Variants in ATP8B1 observed in about 807,000 individuals in gnomAD.
ATP8B1 encodes the protein phospholipid-transporting ATPase IC.
ATP8B1 carries 80 observed loss-of-function variants against 149.9 expected under a neutral mutation model. The observed-to-expected ratio is 0.53, with a 90% CI of 0.45 to 0.64. The LOEUF (loss-of-function observed/expected upper bound fraction) is 0.64, where lower values mean the gene tolerates loss of function less well. Ranked by LOEUF, ATP8B1 falls within the 30% of genes least tolerant of loss-of-function variation. ATP8B1 has a pLI of 0.00. For missense variants in ATP8B1, 1,247 were observed against 1,552.6 expected, an observed-to-expected ratio of 0.80 and a Z score of 3.31; for synonymous variants, 536 against 562.8, an observed-to-expected ratio of 0.95 and a Z score of 0.67.
At chr18:57,753,497 T>G (rs537366184) in intron 1 of ATP8B1, among the ~76,000 whole-genome samples, 62 of 152,254 alleles carry the variant, frequency 4.1e-4, no homozygotes, top group Non-Finnish European at 7.5e-4. Context: ...AGGTCACCAC[T>G]GTGTAAAGCA....
intron 1 of ATP8B1, among the ~76,000 whole-genome samples, chr18:57,756,170 T>G: frequency 6.9e-6 from 1 of 145,026 alleles, no homozygotes; most frequent in Non-Finnish European, 1.5e-5. Flanking sequence ...GCCATGTCCT[T>G]TAATCTGAAA....
chr18:57,738,888 A>G (rs2079884726), intron 1 of ATP8B1, among the ~76,000 whole-genome samples: 1 of 152,124 alleles, frequency 6.6e-6, no homozygotes, highest in Non-Finnish European at 1.5e-5. Flanking sequence ...CATATGTTGA[A>G]GCCATAACAC....
intron 1 of ATP8B1, among the ~76,000 whole-genome samples, chr18:57,791,533 G>A (rs2850231): frequency 0.55 from 82,972 of 151,392 alleles, 24,973 homozygotes; most frequent in African/African-American, 0.8. Context: ...TAGTAGAGAC[G>A]GGGGTTCACC....
At chr18:57,730,786 C>A (rs2079754887) in intron 2 of ATP8B1, among the ~76,000 whole-genome samples, 1 of 151,624 alleles carries the variant, frequency 6.6e-6, no homozygotes, top group Non-Finnish European at 1.5e-5. Context: ...TGGCCTGACC[C>A]TGGGCAGACC....
At chr18:57,685,165 G>T in intron 13 of ATP8B1, 50 bp from the exon 14 acceptor site, 1 of 1,596,962 alleles carries the variant, frequency 6.3e-7, no homozygotes, top group Non-Finnish European at 8.6e-7. Context: ...TATGTCCAGA[G>T]GCCCCTCCTT....
intron 16 of ATP8B1, among the ~76,000 whole-genome samples, chr18:57,672,933 A>T (rs1022383943): frequency 0.084 from 3,638 of 43,156 alleles, 327 homozygotes; most frequent in Non-Finnish European, 0.14. Context: ...TATATATATA[A>T]CATGTATATA....
intron 1 of ATP8B1, among the ~76,000 whole-genome samples, chr18:57,765,873 G>A (rs1287616218): frequency 2.6e-5 from 4 of 151,140 alleles, no homozygotes; most frequent in Admixed American, 2.6e-4. Context: ...TCAGGAGGCT[G>A]AGGCAGGAGA....
chr18:57,653,687 T>C (rs1026325608), intron 24 of ATP8B1, among the ~76,000 whole-genome samples: 1 of 94,708 alleles, frequency 1.1e-5, no homozygotes, highest in African/African-American at 3.0e-5. Flanking sequence ...TTTCTCTTTT[T>C]TTTTTTTTTT....
rs35393039 is a variant in ATP8B1 at position 57,695,546 on chromosome 18, GA to G, written c.699-15del. 1 of 1,590,528 alleles carries G rather than the reference GA, an allele frequency of 6.3e-7. No homozygotes were observed. Among genetic ancestry groups the G allele is most frequent in the Non-Finnish European group, 8.6e-7 (1 of 1,159,244 alleles). On this transcript the variant is annotated splice_polypyrimidine_tract_variant and intron_variant, in intron 8 of 27. Transcript: ENST00000648908. ...AAATTGGTTTCTCTAAAGGAATGGG[GA>G]AAAAATGAATTAAATGAACAAATTT...
At chr18:57,718,103 T>TAAAAAAAAAAAAAAAAAAAAAAAA in intron 2 of ATP8B1, among the ~76,000 whole-genome samples, 1 of 31,798 alleles carries the variant, frequency 3.1e-5, no homozygotes, top group Non-Finnish European at 5.8e-5. Flanking sequence ...CTGGACTAAC[T>TAAAAAAAAAAAAAAAAAAAAAAAA]AAAAAAAAAA....
chr18:57,692,774 G>A (rs1300575171), intron 11 of ATP8B1, among the ~76,000 whole-genome samples: 2 of 151,972 alleles, frequency 1.3e-5, no homozygotes, highest in Non-Finnish European at 2.9e-5. Flanking sequence ...ATATTTGGGC[G>A]ATTATTCCTT....
intron 20 of ATP8B1, among the ~76,000 whole-genome samples, chr18:57,664,379 G>A (rs531795672): frequency 5.9e-5 from 9 of 151,450 alleles, no homozygotes; most frequent in Non-Finnish European, 1.2e-4. Flanking sequence ...TGGTGGCGGT[G>A]CCTGTAATCC....
intron 1 of ATP8B1, among the ~76,000 whole-genome samples, chr18:57,779,577 T>C (rs2080339800): frequency 6.6e-6 from 1 of 152,214 alleles, no homozygotes; most frequent in African/African-American, 2.4e-5. Flanking sequence ...ATTTTTAGTA[T>C]AATTATCCAT....
rs1304024129 is a variant in ATP8B1, at chr18:57,708,413, AT to A, written c.182-1827del. On this transcript the variant is annotated intron_variant, in intron 2 of 27. Transcript: ENST00000648908. Reference sequence around the variant, plus strand: ...TATAAAGCCACTCATAAGCACTGTAATCACATAGGCAATCAGAACAGCTCAT... The same window carrying A: ...TATAAAGCCACTCATAAGCACTGTAACACATAGGCAATCAGAACAGCTCAT... 2.0e-5 allele frequency: 3 copies of A among 152,308 alleles called. No individual in the cohort carries two copies. The East Asian group carries it at 5.8e-4, about 29-fold the overall frequency. The allele number at this position is 152,308 out of a possible 1,614,324, so 9.4% of individuals were successfully genotyped here. A position where few individuals can be genotyped will look rare whatever the true frequency, so the allele number is the denominator to read the frequency against.
intron 1 of ATP8B1, among the ~76,000 whole-genome samples, chr18:57,770,417 G>A (rs897480007): frequency 6.6e-6 from 1 of 152,248 alleles, no homozygotes. Context: ...GCCTTGACAG[G>A]CCTGTGTTCT....
chr18:57,746,816 A>T (rs1182580330), intron 1 of ATP8B1, among the ~76,000 whole-genome samples: 1 of 152,068 alleles, frequency 6.6e-6, no homozygotes, highest in African/African-American at 2.4e-5. Flanking sequence ...CTCTTTGCAA[A>T]TGATTACAAA....
intron 14 of ATP8B1, among the ~76,000 whole-genome samples, chr18:57,684,734 T>G (rs1027661509): frequency 1.3e-5 from 2 of 152,192 alleles, no homozygotes; most frequent in African/African-American, 4.8e-5. Context: ...GAATGTGACC[T>G]TATTTAGAAA....
intron 2 of ATP8B1, among the ~76,000 whole-genome samples, chr18:57,727,007 G>A (rs1026140755): frequency 1.3e-5 from 2 of 152,196 alleles, no homozygotes; most frequent in African/African-American, 4.8e-5. Flanking sequence ...TTGAACCCGG[G>A]AGGCGGAGGT....
At chr18:57,665,582 T>C (rs1910799304) in intron 20 of ATP8B1, among the ~76,000 whole-genome samples, 1 of 152,066 alleles carries the variant, frequency 6.6e-6, no homozygotes, top group Admixed American at 6.6e-5. Context: ...AGACGGAGTC[T>C]TGCTCTGTCA....
Sources: gnomAD v4.1 joint callset for allele counts (sites outside exome capture counted in the v4.1 genomes callset) on GRCh38, gnomAD v4.1.1 for gene constraint, MANE v1.5 for transcripts, NCBI Gene and HGNC (gene_info 2026-07-23, HGNC 2026-07-21) for gene names.